RBFOX1: variants seen among roughly 807,000 people sequenced by gnomAD.
The protein encoded by RBFOX1 is RNA binding protein fox-1 homolog 1.
In RBFOX1, 8 loss-of-function variants were observed where a neutral mutation model predicts 57.7. That is an observed-to-expected ratio of 0.14 (90% CI 0.08 to 0.25). The LOEUF (loss-of-function observed/expected upper bound fraction) is 0.25. RBFOX1 is among the 10% of genes least tolerant of loss of function. The pLI, the probability that RBFOX1 is intolerant of heterozygous loss-of-function variation, is 1.00. For synonymous variants in RBFOX1, 326 were observed against 222.4 expected (o/e 1.47, Z -4.15); for missense variants, 611 against 548.5 (o/e 1.11, Z -1.14).
At chr16:5,938,336 C>G (rs1030593932) in intron 4 of RBFOX1, among the ~76,000 whole-genome samples, 12 of 152,148 alleles carry the variant, frequency 7.9e-5, no homozygotes, top group African/African-American at 2.2e-4. Flanking sequence ...TCTCACTGAT[C>G]GTTGCTGATG....
At chr16:6,359,529 A>C (rs2088020963) in intron 2 of RBFOX1, among the ~76,000 whole-genome samples, 1 of 152,152 alleles carries the variant, frequency 6.6e-6, no homozygotes, top group African/African-American at 2.4e-5. Flanking sequence ...ACTCTTCCCA[A>C]AATGTTAATT....
intron 1 of RBFOX1, among the ~76,000 whole-genome samples, chr16:6,253,613 G>A (rs76597697): frequency 3.1e-5 from 1 of 32,746 alleles, no homozygotes; most frequent in African/African-American, 4.9e-5. Flanking sequence ...ATGGATAGAT[G>A]GATGGATGGA....
At chr16:6,778,322 A>G (rs1959223261) in intron 3 of RBFOX1, among the ~76,000 whole-genome samples, 1 of 152,176 alleles carries the variant, frequency 6.6e-6, no homozygotes, top group African/African-American at 2.4e-5. Context: ...ATGATTCCTC[A>G]TGTACCCATC....
At chr16:6,779,230 T>A (rs58527456) in intron 3 of RBFOX1, among the ~76,000 whole-genome samples, 1 of 151,892 alleles carries the variant, frequency 6.6e-6, no homozygotes, top group African/African-American at 2.4e-5. Flanking sequence ...ATGAGATCAA[T>A]TTTTTTAGCT....
At chr16:5,253,750 G>C (rs1433617921) in intron 1 of RBFOX1, among the ~76,000 whole-genome samples, 1 of 152,206 alleles carries the variant, frequency 6.6e-6, no homozygotes, top group Non-Finnish European at 1.5e-5. Context: ...ATGTTCATTT[G>C]CTCTCTCTGG....
chr16:6,843,146 T>C (rs1024985377), intron 3 of RBFOX1, among the ~76,000 whole-genome samples: 1 of 152,162 alleles, frequency 6.6e-6, no homozygotes, highest in Non-Finnish European at 1.5e-5. Flanking sequence ...CATAACACAT[T>C]TTAAGCATAT....
Position 5,768,445 on chromosome 16 carries a change from C to A in RBFOX1, c.319-98858C>A, listed in dbSNP as rs1251249032. ...TTAGACCCCCTTAAAATACTTGTTT[C>A]CCCACCTTCCACGTGGCCCTGTCAG... On this transcript the variant is annotated intron_variant, in intron 3 of 19. Coordinates refer to the RBFOX1 transcript ENST00000641259. 3.3e-5 allele frequency among the ~76,000 whole-genome samples: 5 copies of A among 152,192 alleles called. No individual in the cohort carries two copies. In the East Asian group the frequency reaches 5.8e-4, roughly 18 times the overall value.
chr16:6,885,264 CT>C (rs993136531), intron 3 of RBFOX1, among the ~76,000 whole-genome samples: 2 of 152,278 alleles, frequency 1.3e-5, no homozygotes, highest in Non-Finnish European at 1.5e-5. Flanking sequence ...TCAGCATCAC[CT>C]GGAAACTTGC....
chr16:7,203,634 C>G (rs1287916832), intron 4 of RBFOX1, among the ~76,000 whole-genome samples: 6 of 152,214 alleles, frequency 3.9e-5, no homozygotes, highest in South Asian at 2.1e-4. Flanking sequence ...ACAGCTTTGT[C>G]CATGCTTCTC....
intron 3 of RBFOX1, among the ~76,000 whole-genome samples, chr16:5,804,390 G>A (rs983335390): frequency 1.3e-5 from 2 of 152,202 alleles, no homozygotes; most frequent in Non-Finnish European, 2.9e-5. Flanking sequence ...CAGAGTTTTT[G>A]TCTGTAATCC....
At chr16:7,120,564 A>G (rs74008928) in intron 4 of RBFOX1, among the ~76,000 whole-genome samples, 15,620 of 151,812 alleles carry the variant, frequency 0.1, 978 homozygotes, top group African/African-American at 0.17. Context: ...GACAACCATT[A>G]CCAAAACTTA....
chr16:7,009,672 C>T (rs367999038), intron 3 of RBFOX1, among the ~76,000 whole-genome samples: 1 of 152,070 alleles, frequency 6.6e-6, no homozygotes, highest in Non-Finnish European at 1.5e-5. Context: ...AAAGAATATC[C>T]TAGAATTATA....
At chr16:5,293,469 C>T (rs948489460) in intron 1 of RBFOX1, among the ~76,000 whole-genome samples, 1 of 152,132 alleles carries the variant, frequency 6.6e-6, no homozygotes, top group Non-Finnish European at 1.5e-5. Context: ...TGGGTCTCAA[C>T]CTTGGCTCCA....
intron 4 of RBFOX1, among the ~76,000 whole-genome samples, chr16:5,971,724 T>A (rs1294296340): frequency 6.6e-6 from 1 of 152,230 alleles, no homozygotes; most frequent in African/African-American, 2.4e-5. Flanking sequence ...CTGGATTTAT[T>A]ACATTTGCAG....
intron 2 of RBFOX1, among the ~76,000 whole-genome samples, chr16:6,613,552 T>A (rs189476724): frequency 6.6e-6 from 1 of 152,312 alleles, no homozygotes; most frequent in East Asian, 1.9e-4. Flanking sequence ...TACAAAATGC[T>A]ATGGAACGCT....
chr16:6,017,694 ATATAGT>A (rs1156954631), upstream of RBFOX1, among the ~76,000 whole-genome samples: 22 of 152,346 alleles, frequency 1.4e-4, no homozygotes, highest in East Asian at 1.3e-3. Flanking sequence ...TTAAAAAGTA[ATATAGT>A]TATAGGCAGA....
At chr16:7,480,915 G>A (rs1047530137) in intron 4 of RBFOX1, among the ~76,000 whole-genome samples, 4 of 152,174 alleles carry the variant, frequency 2.6e-5, no homozygotes, top group Non-Finnish European at 5.9e-5. Flanking sequence ...GGGAGGGAGG[G>A]GCAGGGGTAG....
At chr16:6,590,951 C>A (rs1175640991) in intron 2 of RBFOX1, among the ~76,000 whole-genome samples, 1 of 152,144 alleles carries the variant, frequency 6.6e-6, no homozygotes, top group Non-Finnish European at 1.5e-5. Context: ...TTTGGAGTCA[C>A]ACTGCGAGAG....
chr16:7,346,417 A>G (rs1603626222), intron 4 of RBFOX1, among the ~76,000 whole-genome samples: 1 of 152,094 alleles, frequency 6.6e-6, no homozygotes. Context: ...AGCATTTTGT[A>G]CAGTTCCTTC....
Sources: allele counts gnomAD v4.1 joint callset (sites outside exome capture counted in the v4.1 genomes callset), GRCh38; gene constraint gnomAD v4.1.1; transcripts MANE v1.5; gene names NCBI Gene and HGNC (gene_info 2026-07-23, HGNC 2026-07-21).